OR2L13: variants seen among roughly 807,000 people sequenced by gnomAD.
OR2L13 encodes olfactory receptor 2L13.
Under a neutral mutation model 15.3 loss-of-function variants are expected in OR2L13, and 14 were observed. The observed-to-expected ratio is 0.91, with a 90% CI of 0.60 to 1.43. The LOEUF (loss-of-function observed/expected upper bound fraction) is 1.43. OR2L13 is among the 40% of genes most tolerant of loss of function. The probability of loss-of-function intolerance (pLI) is 0.00; values close to 1 mark genes in which losing one functional copy is unlikely to be tolerated. For synonymous variants in OR2L13, 152 were observed against 142.9 expected (o/e 1.06, Z -0.45); for missense variants, 367 against 387.9 (o/e 0.95, Z 0.45).
At chr1:247,969,810 AGATCTACATGGT>A in the OR2L13 span, among the ~76,000 whole-genome samples, 1 of 152,294 alleles carries the variant, frequency 6.6e-6, no homozygotes, top group African/African-American at 2.4e-5. Context: ...AGCACCGATG[AGATCTACATGGT>A]GATCCAGGGG....
the OR2L13 span, among the ~76,000 whole-genome samples, chr1:248,002,553 C>T: frequency 1.3e-5 from 2 of 152,286 alleles, no homozygotes; most frequent in Admixed American, 6.5e-5. Flanking sequence ...GTCAAAATTT[C>T]TTCGCTTTTA....
At chr1:248,068,867 G>A in the OR2L13 span, among the ~76,000 whole-genome samples, 2 of 152,072 alleles carry the variant, frequency 1.3e-5, no homozygotes, top group Non-Finnish European at 2.9e-5. Context: ...TGGAAGAAAG[G>A]GTATCAGTGA....
the OR2L13 span, among the ~76,000 whole-genome samples, chr1:247,989,110 G>A: frequency 6.6e-6 from 1 of 152,062 alleles, no homozygotes; most frequent in African/African-American, 2.4e-5. Flanking sequence ...GAAATTGGAT[G>A]AGAAGGCAAA....
At chr1:247,979,886 A>G in the OR2L13 span, among the ~76,000 whole-genome samples, 1 of 151,106 alleles carries the variant, frequency 6.6e-6, no homozygotes, top group Non-Finnish European at 1.5e-5. Context: ...ATATTGAAAC[A>G]GTTGTGTTTG....
the OR2L13 span, among the ~76,000 whole-genome samples, chr1:247,948,211 A>G: frequency 6.6e-6 from 1 of 151,650 alleles, no homozygotes; most frequent in Admixed American, 6.6e-5. Context: ...AGACCCTGTC[A>G]CTTAAAAAAA....
chr1:248,083,382 G>T, the OR2L13 span: 1 of 358,142 alleles, frequency 2.8e-6, no homozygotes. Context: ...AGGATATATT[G>T]TCAACAGTAC....
At chr1:248,072,055 AG>A in the OR2L13 span, among the ~76,000 whole-genome samples, 2 of 151,510 alleles carry the variant, frequency 1.3e-5, no homozygotes, top group Non-Finnish European at 3.0e-5. Flanking sequence ...ATACTGCCCA[AG>A]GTAATTTACA....
chr1:247,994,264 G>T, the OR2L13 span, among the ~76,000 whole-genome samples: 5,150 of 152,104 alleles, frequency 0.034, 246 homozygotes, highest in African/African-American at 0.12. Context: ...GGGCGTGGTG[G>T]CGGGCGCCTG....
chr1:247,993,762 G>GAGAGA, the OR2L13 span, among the ~76,000 whole-genome samples: 2,158 of 53,440 alleles, frequency 0.04, 349 homozygotes, highest in Non-Finnish European at 0.043. Context: ...AGAGAGAGGG[G>GAGAGA]GAGAGAGAGA....
the OR2L13 span, chr1:248,061,755 T>C: frequency 6.4e-6 from 5 of 778,414 alleles, no homozygotes; most frequent in Admixed American, 9.1e-5. Context: ...CACTGATTTC[T>C]GGACAAAATT....
upstream of OR2L13, among the ~76,000 whole-genome samples, chr1:248,096,116 T>C (rs557544329): frequency 1.4e-4 from 21 of 152,084 alleles, no homozygotes; most frequent in South Asian, 2.1e-4. Context: ...AGGTGGCTCA[T>C]GCCTGTAATC....
At chr1:247,962,292 A>T in the OR2L13 span, among the ~76,000 whole-genome samples, 121,462 of 152,104 alleles carry the variant, frequency 0.8, 52,681 homozygotes, top group South Asian at 0.95. Flanking sequence ...ATTAGTGGAG[A>T]CAGCTACCAG....
At chr1:248,074,154 T>C in the OR2L13 span, among the ~76,000 whole-genome samples, 1 of 152,184 alleles carries the variant, frequency 6.6e-6, no homozygotes, top group Middle Eastern at 3.4e-3. Flanking sequence ...TAAAAACATT[T>C]TGGCCACAGA....
the OR2L13 span, among the ~76,000 whole-genome samples, chr1:247,984,093 C>T: frequency 2.6e-5 from 4 of 152,090 alleles, no homozygotes; most frequent in African/African-American, 4.8e-5. Context: ...CTTCAAGGTT[C>T]CGTCTCTAGA....
chr1:248,073,291 C>G, the OR2L13 span, among the ~76,000 whole-genome samples: 5 of 152,198 alleles, frequency 3.3e-5, no homozygotes, highest in Non-Finnish European at 7.3e-5. Flanking sequence ...GAATACTATG[C>G]AGCCATAAAA....
the OR2L13 span, among the ~76,000 whole-genome samples, chr1:247,944,632 A>G: frequency 6.6e-6 from 1 of 152,210 alleles, no homozygotes; most frequent in African/African-American, 2.4e-5. Context: ...TGCAAAGGAC[A>G]TGATCTTGTT....
the OR2L13 span, among the ~76,000 whole-genome samples, chr1:247,954,396 AT>A: frequency 6.6e-6 from 1 of 152,310 alleles, no homozygotes; most frequent in African/African-American, 2.4e-5. Context: ...TCAATTTGAC[AT>A]TTGGGACTTA....
chr1:247,958,441 G>A, the OR2L13 span, among the ~76,000 whole-genome samples: 181 of 152,256 alleles, frequency 1.2e-3, 2 homozygotes, highest in Middle Eastern at 0.027. Context: ...GGAGAGTTCC[G>A]TAGATGTCTA....
At chr1:247,949,354 C>T in the OR2L13 span, 1 of 1,614,192 alleles carries the variant, frequency 6.2e-7, no homozygotes, top group Non-Finnish European at 8.5e-7. Flanking sequence ...CTCCATATTC[C>T]TTATTGCCGA....
Sources: gnomAD v4.1 joint callset for allele counts (sites outside exome capture counted in the v4.1 genomes callset) on GRCh38, gnomAD v4.1.1 for gene constraint, MANE v1.5 for transcripts, NCBI Gene and HGNC (gene_info 2026-07-23, HGNC 2026-07-21) for gene names.